Variants in ST3GAL4 observed in about 807,000 individuals in gnomAD.
ST3GAL4 encodes the protein CMP-N-acetylneuraminate-beta-galactosamide-alpha-2,3-sialyltransferase 4.
In ST3GAL4, 24 loss-of-function variants were observed where a neutral mutation model predicts 42.6. The ratio of observed to expected loss-of-function variants is 0.56; its 90% CI spans 0.41 to 0.79. The LOEUF (loss-of-function observed/expected upper bound fraction) is 0.79. Among genes scored for constraint, ST3GAL4 ranks in the 30% least tolerant of loss-of-function variants. The pLI is 0.00. For synonymous variants in ST3GAL4, 135 were observed against 163.2 expected (o/e 0.83, Z 1.32); for missense variants, 311 against 430.8 (o/e 0.72, Z 2.46).
At chr11:126,390,907 C>CT (rs1186512669) in intron 1 of ST3GAL4, among the ~76,000 whole-genome samples, 1 of 152,174 alleles carries the variant, frequency 6.6e-6, no homozygotes, top group Non-Finnish European at 1.5e-5. Context: ...AGCTTGACTA[C>CT]TTTAAGTATC....
chr11:126,362,737 T>C (rs1050909727), intron 1 of ST3GAL4, among the ~76,000 whole-genome samples: 4 of 152,198 alleles, frequency 2.6e-5, no homozygotes, highest in African/African-American at 9.7e-5. Context: ...TCTTGCACTC[T>C]GGCACTCAAT....
chr11:126,380,540 T>C (rs548835354), intron 1 of ST3GAL4, among the ~76,000 whole-genome samples: 2 of 152,354 alleles, frequency 1.3e-5, no homozygotes, highest in South Asian at 4.1e-4. Context: ...GATAATTCTT[T>C]TGGCCAAGGT....
intron 1 of ST3GAL4, among the ~76,000 whole-genome samples, chr11:126,390,863 C>G (rs568352107): frequency 5.9e-5 from 9 of 152,102 alleles, no homozygotes; most frequent in Non-Finnish European, 1.0e-4. Context: ...CCCCCCAGCC[C>G]TTGGCAGCCA....
intron 1 of ST3GAL4, among the ~76,000 whole-genome samples, chr11:126,374,094 G>A (rs1952748415): frequency 1.3e-5 from 2 of 151,920 alleles, no homozygotes; most frequent in Admixed American, 1.3e-4. Context: ...TTGCAAGCAG[G>A]GGAGGGGGCC....
intron 1 of ST3GAL4, among the ~76,000 whole-genome samples, chr11:126,399,301 C>CTTTTTTTTTTTTTTTTTTT (rs58479155): frequency 1.1e-5 from 1 of 87,736 alleles, no homozygotes; most frequent in Non-Finnish European, 2.0e-5. Context: ...TTCTTTCCTT[C>CTTTTTTTTTTTTTTTTTTT]TTTTTTTTTT....
At chr11:126,390,367 T>A (rs1332948244) in intron 1 of ST3GAL4, among the ~76,000 whole-genome samples, 1 of 151,190 alleles carries the variant, frequency 6.6e-6, no homozygotes, top group Admixed American at 6.6e-5. Flanking sequence ...CTAATAAATA[T>A]CCTGGAGTGG....
chr11:126,403,459 C>T, intron 1 of ST3GAL4: 1 of 985,210 alleles, frequency 1.0e-6, no homozygotes, highest in Non-Finnish European at 1.2e-6. Flanking sequence ...GTTTCCCGCC[C>T]AGGCTGCATT....
Position 126,400,060 on chromosome 11 carries a change from G to C in ST3GAL4, c.-60-6036G>C, listed in dbSNP as rs982751169. On this transcript the variant is annotated intron_variant, in intron 1 of 10. Transcript: ENST00000444328. The surrounding 1 kb of genome is among the most constrained non-coding windows in gnomAD (Gnocchi z 4.6). ...TTTCTTCCTTTCCCTCCCCTCCCCT[G>C]CTTTCCTCTCCCCTCTCCACTTCTT... Among the ~76,000 whole-genome samples the C allele has an allele frequency of 6.6e-6, 1 of 150,554 alleles. No homozygotes were observed. The highest frequency in any genetic ancestry group is 1.5e-5 in the Non-Finnish European group (1 of 67,818).
intron 1 of ST3GAL4, among the ~76,000 whole-genome samples, chr11:126,394,407 G>A (rs1591467774): frequency 6.6e-6 from 1 of 152,144 alleles, no homozygotes; most frequent in Admixed American, 6.5e-5. Flanking sequence ...CCCCTCTCAG[G>A]CAGGCACCAG....
chr11:126,404,890 T>C (rs1036198086), intron 1 of ST3GAL4, among the ~76,000 whole-genome samples: 6 of 152,236 alleles, frequency 3.9e-5, no homozygotes, highest in African/African-American at 1.4e-4. Context: ...AGGACAGGGC[T>C]CAGGATCATT....
intron 1 of ST3GAL4, among the ~76,000 whole-genome samples, chr11:126,381,932 G>T (rs1231514073): frequency 2.0e-5 from 3 of 151,588 alleles, no homozygotes; most frequent in Admixed American, 6.6e-5. Flanking sequence ...CAGAATAACT[G>T]CAGCCTTTCC....
Position 126,374,131 on chromosome 11 carries a change from G to T in ST3GAL4, c.-61+18289G>T, listed in dbSNP as rs544580065. Reference sequence around the variant, plus strand: ...GCAGTGTTGGGTGTGTGGAGTTGTTGCTGGGAAGTAGAGAAGCTGAGTAAG... The same window carrying T: ...GCAGTGTTGGGTGTGTGGAGTTGTTTCTGGGAAGTAGAGAAGCTGAGTAAG... On this transcript the variant is annotated intron_variant, in intron 1 of 10. Coordinates refer to ENST00000444328, the MANE Select transcript of ST3GAL4 (RefSeq NM_001254757.2). 1.9e-4 allele frequency among the ~76,000 whole-genome samples: 29 copies of T among 152,028 alleles called. 1 individual carries two copies. Among genetic ancestry groups the T allele is most frequent in the African/African-American group, 6.5e-4 (27 of 41,474 alleles).
chr11:126,384,127 A>T lies in ST3GAL4; in HGVS notation c.-60-21969A>T, dbSNP rs1953124357. ...CTCCTAATGGGACTAATGGGATTTCAGGTGTGGACCCTTGGACCCTCCGCT... is the reference window on the plus strand; with the variant it reads ...CTCCTAATGGGACTAATGGGATTTCTGGTGTGGACCCTTGGACCCTCCGCT... On this transcript the variant is annotated intron_variant, in intron 1 of 10. Coordinates refer to ENST00000444328, the MANE Select transcript of ST3GAL4 (RefSeq NM_001254757.2). This position sits in a 1 kb window ranked among gnomAD's most constrained non-coding sequence, Gnocchi z 5.5. Among the ~76,000 whole-genome samples, 1 of 152,136 alleles carries T rather than the reference A, an allele frequency of 6.6e-6. No homozygotes were observed. The highest frequency in any genetic ancestry group is 1.5e-5 in the Non-Finnish European group (1 of 68,020).
In ST3GAL4 at chr11:126,409,177, A is replaced by G; in HGVS notation, c.628-91A>G. 2 of 1,531,868 alleles carry G rather than the reference A, an allele frequency of 1.3e-6. No individual in the cohort carries two copies. Among genetic ancestry groups the G allele is most frequent in the Non-Finnish European group, 1.8e-6 (2 of 1,123,118 alleles). The allele number at this position is 1,531,868 out of a possible 1,614,324, so 94.9% of individuals were successfully genotyped here. On this transcript the variant is annotated intron_variant, in intron 8 of 10. Coordinates refer to ENST00000444328, the MANE Select transcript of ST3GAL4 (RefSeq NM_001254757.2). The surrounding 1 kb of genome is among the most constrained non-coding windows in gnomAD (Gnocchi z 4.9). ...CCTGAAGGCCTCTGCCATCGCTTGG[A>G]CCCCCTCGCCTCGCTGAGGACCACT... is the stretch of plus-strand genomic sequence containing the variant.
rs118159058 is a variant in ST3GAL4, at chr11:126,397,480, C to T, written c.-60-8616C>T. Among the ~76,000 whole-genome samples the T allele has an allele frequency of 7.0e-3, 1,062 of 151,186 alleles. 16 individuals carry two copies. Among genetic ancestry groups the T allele is most frequent in the African/African-American group, 9.8e-3 (400 of 40,632 alleles). ...AGTGCTGAAATTAAGGTATAAACAA[C>T]GTCTCATGGGAACCAAAACATCAGT... On this transcript the variant is annotated intron_variant, in intron 1 of 10. Transcript: ENST00000444328. The surrounding 1 kb of genome is among the most constrained non-coding windows in gnomAD (Gnocchi z 5.0).
chr11:126,397,705 C>T lies in ST3GAL4; in HGVS notation c.-60-8391C>T, dbSNP rs1953838795. Among the ~76,000 whole-genome samples, 2 of 152,156 alleles carry T rather than the reference C, an allele frequency of 1.3e-5. No homozygotes were observed. Among genetic ancestry groups the T allele is most frequent in the South Asian group, 4.1e-4 (2 of 4,826 alleles). Reference sequence around the variant, plus strand: ...TCACAGTTCTGGAGGCTCGGATGTCCAAGATCTAGAGGACACATCCGGTGA... The same window carrying T: ...TCACAGTTCTGGAGGCTCGGATGTCTAAGATCTAGAGGACACATCCGGTGA... On this transcript the variant is annotated intron_variant, in intron 1 of 10. Coordinates refer to ENST00000444328, the MANE Select transcript of ST3GAL4 (RefSeq NM_001254757.2). This position sits in a 1 kb window ranked among gnomAD's most constrained non-coding sequence, Gnocchi z 5.0.
intron 1 of ST3GAL4, among the ~76,000 whole-genome samples, chr11:126,369,558 T>G (rs570978608): frequency 3.9e-5 from 6 of 152,314 alleles, no homozygotes; most frequent in Non-Finnish European, 8.8e-5. Context: ...TAGTGCCATT[T>G]TTTAAAATCC....
chr11:126,412,326 G>C (rs1051177287), intron 9 of ST3GAL4, among the ~76,000 whole-genome samples: 8 of 152,124 alleles, frequency 5.3e-5, no homozygotes, highest in African/African-American at 1.9e-4. Flanking sequence ...GCTCAGAGAG[G>C]GAGAAAGCTG....
chr11:126,392,417 C>T lies in ST3GAL4; in HGVS notation c.-60-13679C>T, dbSNP rs992058616. ...GTTCTGCAGAAGCCACTTCATTTGC[C>T]TGGGGATAAAGCAGGTCCTTGTGAG... is the stretch of plus-strand genomic sequence containing the variant. On this transcript the variant is annotated intron_variant, in intron 1 of 10. Coordinates refer to ENST00000444328, the MANE Select transcript of ST3GAL4 (RefSeq NM_001254757.2). This position sits in a 1 kb window ranked among gnomAD's most constrained non-coding sequence, Gnocchi z 5.8. 1 of 975,406 alleles carries T rather than the reference C, an allele frequency of 1.0e-6. No homozygotes were observed. Among genetic ancestry groups the T allele is most frequent in the African/African-American group, 1.8e-5 (1 of 57,042 alleles). The allele number at this position is 975,406 out of a possible 1,614,324, so 60.4% of individuals were successfully genotyped here. A position where few individuals can be genotyped will look rare whatever the true frequency, so the allele number is the denominator to read the frequency against.
Sources: allele counts gnomAD v4.1 joint callset (sites outside exome capture counted in the v4.1 genomes callset), GRCh38; gene constraint gnomAD v4.1.1; non-coding constraint Gnocchi (gnomAD v3.1); transcripts MANE v1.5; gene names NCBI Gene and HGNC (gene_info 2026-07-23, HGNC 2026-07-21).